GABRB1: variants seen among roughly 807,000 people sequenced by gnomAD.
The protein encoded by GABRB1 is gamma-aminobutyric acid receptor subunit beta-1.
A neutral mutation model predicts 51.6 loss-of-function variants in GABRB1; 17 were observed. The observed-to-expected ratio is 0.33, with a 90% confidence interval of 0.23 to 0.49. The LOEUF is 0.49. GABRB1 is among the 20% of genes least tolerant of loss of function. GABRB1 has a pLI of 0.99. For synonymous variants in GABRB1, 247 were observed against 218.9 expected (o/e 1.13, Z -1.14); for missense variants, 410 against 600.6 (o/e 0.68, Z 3.32).
intron 3 of GABRB1, among the ~76,000 whole-genome samples, chr4:47,092,268 G>C (rs530436552): frequency 4.9e-5 from 7 of 143,988 alleles, no homozygotes; most frequent in African/African-American, 1.0e-4. Flanking sequence ...GGCCTCCCTG[G>C]TTCAAATGAT....
chr4:47,256,184 T>A (rs1013868294), intron 4 of GABRB1, among the ~76,000 whole-genome samples: 1 of 152,170 alleles, frequency 6.6e-6, no homozygotes, highest in Non-Finnish European at 1.5e-5. Context: ...ATGTATTTAG[T>A]GAAGGGATAG....
chr4:47,033,319 A>G (rs575550088), intron 3 of GABRB1, among the ~76,000 whole-genome samples: 13 of 152,308 alleles, frequency 8.5e-5, no homozygotes, highest in Middle Eastern at 3.4e-3. Flanking sequence ...AAGCTATTGC[A>G]AAATGAACTG....
chr4:47,019,901 T>C (rs1235265475), intron 1 of GABRB1, among the ~76,000 whole-genome samples: 1 of 147,574 alleles, frequency 6.8e-6, no homozygotes, highest in Non-Finnish European at 1.5e-5. Flanking sequence ...TATGTATATG[T>C]ATATGTATAT....
intron 5 of GABRB1, among the ~76,000 whole-genome samples, chr4:47,369,638 C>G (rs2110017231): frequency 6.6e-6 from 1 of 152,194 alleles, no homozygotes; most frequent in South Asian, 2.1e-4. Context: ...TGAACTCAGC[C>G]AAGTTTTTTA....
chr4:47,054,874 T>G (rs1160387796), intron 3 of GABRB1, among the ~76,000 whole-genome samples: 1 of 152,188 alleles, frequency 6.6e-6, no homozygotes, highest in East Asian at 1.9e-4. Context: ...CGTGAGCCAC[T>G]GCACCCGGAC....
intron 3 of GABRB1, 51 bp downstream of exon 3, chr4:47,032,535 T>C (rs376245712): frequency 1.6e-5 from 24 of 1,536,176 alleles, no homozygotes; most frequent in Non-Finnish European, 1.9e-5. Context: ...AGATGGGAAA[T>C]GGACAGGTCC....
At chr4:47,219,628 A>C (rs947212183) in intron 4 of GABRB1, among the ~76,000 whole-genome samples, 1 of 151,764 alleles carries the variant, frequency 6.6e-6, no homozygotes, top group African/African-American at 2.4e-5. Context: ...AGTCCTTTTA[A>C]AAATGTCAAC....
intron 4 of GABRB1, among the ~76,000 whole-genome samples, chr4:47,179,418 A>C (rs1577977738): frequency 6.6e-6 from 1 of 152,112 alleles, no homozygotes; most frequent in Admixed American, 6.6e-5. Context: ...TTGAACCAGC[A>C]ATCCCATTAC....
At chr4:47,144,642 T>C (rs1010676504) in intron 3 of GABRB1, among the ~76,000 whole-genome samples, 7 of 151,926 alleles carry the variant, frequency 4.6e-5, no homozygotes, top group African/African-American at 1.4e-4. Flanking sequence ...GTTAAGTGAC[T>C]CGGTGACAGA....
intron 8 of GABRB1, among the ~76,000 whole-genome samples, chr4:47,413,661 G>T (rs1728829079): frequency 6.6e-6 from 1 of 152,168 alleles, no homozygotes; most frequent in African/African-American, 2.4e-5. Flanking sequence ...CTCAGTATTT[G>T]CCTTGGTTCA....
intron 5 of GABRB1, among the ~76,000 whole-genome samples, chr4:47,391,572 T>A (rs1480391393): frequency 3.9e-5 from 6 of 152,216 alleles, no homozygotes; most frequent in Admixed American, 1.3e-4. Context: ...GAGGTTGTAG[T>A]CCATCACTTC....
chr4:47,250,182 A>T (rs1721930557), intron 4 of GABRB1, among the ~76,000 whole-genome samples: 1 of 152,152 alleles, frequency 6.6e-6, no homozygotes, highest in Admixed American at 6.5e-5. Context: ...TTTGTCTGAA[A>T]AAGATTGTAT....
At chr4:47,208,079 C>T (rs1424243718) in intron 4 of GABRB1, among the ~76,000 whole-genome samples, 2 of 151,962 alleles carry the variant, frequency 1.3e-5, no homozygotes, top group African/African-American at 4.8e-5. Context: ...GTGGAAACAA[C>T]CCAAGTATCT....
upstream of GABRB1, among the ~76,000 whole-genome samples, chr4:47,028,138 T>C (rs779446576): frequency 7.2e-5 from 11 of 151,776 alleles, no homozygotes; most frequent in Non-Finnish European, 1.5e-4. Context: ...CTTTACAATA[T>C]ATTTATTGGT....
At chr4:47,084,286 G>A (rs1314067883) in intron 3 of GABRB1, among the ~76,000 whole-genome samples, 1 of 152,144 alleles carries the variant, frequency 6.6e-6, no homozygotes, top group African/African-American at 2.4e-5. Flanking sequence ...GCAAACATAG[G>A]CTAAGCCATT....
chr4:47,087,651 C>T (rs564317926), intron 3 of GABRB1, among the ~76,000 whole-genome samples: 92 of 152,044 alleles, frequency 6.1e-4, no homozygotes, highest in African/African-American at 1.8e-3. Flanking sequence ...AATCCCACAT[C>T]ATCCCCTAAT....
At chr4:47,403,216 A>T (rs566541642) in intron 5 of GABRB1, 102 bp from the exon 6 acceptor site, 2 of 1,309,962 alleles carry the variant, frequency 1.5e-6, no homozygotes, top group Non-Finnish European at 2.1e-6. Flanking sequence ...AAGCAATGCC[A>T]CCTTACCACT....
At chr4:47,227,064 G>A (rs1217659382) in intron 4 of GABRB1, among the ~76,000 whole-genome samples, 1 of 152,176 alleles carries the variant, frequency 6.6e-6, no homozygotes, top group Non-Finnish European at 1.5e-5. Flanking sequence ...CAGCATTGCA[G>A]TGTTTATTAT....
At chr4:47,140,280 G>A (rs762918491) in intron 3 of GABRB1, among the ~76,000 whole-genome samples, 10 of 151,844 alleles carry the variant, frequency 6.6e-5, no homozygotes, top group Admixed American at 1.3e-4. Context: ...TCTCATATCA[G>A]GTTTGAGAGT....
Sources: gnomAD v4.1 joint callset for allele counts (sites outside exome capture counted in the v4.1 genomes callset) on GRCh38, gnomAD v4.1.1 for gene constraint, MANE v1.5 for transcripts, NCBI Gene and HGNC (gene_info 2026-07-23, HGNC 2026-07-21) for gene names.